Variants in RSPO2 observed in about 807,000 individuals in gnomAD.
The protein encoded by RSPO2 is R-spondin 2, also known as R-spondin-2.
Under a neutral mutation model 30.9 loss-of-function variants are expected in RSPO2, and 14 were observed. The observed-to-expected ratio is 0.45, with a 90% CI of 0.30 to 0.71. The LOEUF (loss-of-function observed/expected upper bound fraction) is 0.71, where lower values mean the gene tolerates loss of function less well. Among genes scored for constraint, RSPO2 ranks in the 30% least tolerant of loss-of-function variants. The pLI, the probability that RSPO2 is intolerant of heterozygous loss-of-function variation, is 0.08. For synonymous variants in RSPO2, 107 were observed against 96.4 expected (o/e 1.11, Z -0.64); for missense variants, 264 against 301.9 (o/e 0.87, Z 0.93).
intron 2 of RSPO2, chr8:108,081,942 G>C (rs1813212811): frequency 1.0e-6 from 1 of 979,182 alleles, no homozygotes; most frequent in South Asian, 4.8e-5. Context: ...TCTCGTCGCA[G>C]TTTCCAGAAA....
chr8:107,916,926 T>C (rs1477148726), intron 5 of RSPO2, among the ~76,000 whole-genome samples: 1 of 152,204 alleles, frequency 6.6e-6, no homozygotes, highest in African/African-American at 2.4e-5. Flanking sequence ...TAAAACTGGA[T>C]AGATTTGTAA....
Position 107,960,733 on chromosome 8 carries a change from C to A in RSPO2, c.368G>T (p.Arg123Leu). Residue 123 changes from arginine to leucine, a missense_variant, in exon 4 of 6, where the codon CGT becomes CTT. Transcript: ENST00000276659. ...CKVGFYLHRG[R>L]CFDECPDGFA... Reference sequence around the variant, plus strand: ...ACCATCTGGACATTCATCAAAGCAACGGCCTCTATGCAAATAAAAGCCTAC... The same window carrying A: ...ACCATCTGGACATTCATCAAAGCAAAGGCCTCTATGCAAATAAAAGCCTAC... 1.2e-6 allele frequency: 2 copies of A among 1,613,386 alleles called. No individual in the cohort carries two copies. Among genetic ancestry groups the A allele is most frequent in the Non-Finnish European group, 1.7e-6 (2 of 1,179,590 alleles).
Position 108,082,547 on chromosome 8 carries a change from C to A in RSPO2, c.92G>T (p.Arg31Leu). 6.2e-7 allele frequency: 1 copy of A among 1,613,578 alleles called. No individual in the cohort carries two copies. Among genetic ancestry groups the A allele is most frequent in the Non-Finnish European group, 8.5e-7 (1 of 1,179,454 alleles). Reference sequence around the variant, plus strand: ...ACCTTTGGCAGAGAGGGACCCACCTCGCTTACTGCGTCTCCATCGGTTGCC... The same window carrying A: ...ACCTTTGGCAGAGAGGGACCCACCTAGCTTACTGCGTCTCCATCGGTTGCC... The part of the protein sequence containing the change: ...CQGNRWRRSK[R>L]ASYVSNPICK... The change falls in exon 2 of 6, where the codon CGA (arginine) becomes CTA (leucine). Residue 31 changes from arginine (R) to leucine (L), a missense_variant and splice_region_variant. Arg to Leu is a moderately radical substitution (Grantham distance 102). Coordinates refer to ENST00000276659, the MANE Select transcript of RSPO2 (RefSeq NM_178565.5).
chr8:108,062,868 T>C (rs1206506701), intron 2 of RSPO2, among the ~76,000 whole-genome samples: 1 of 151,910 alleles, frequency 6.6e-6, no homozygotes, highest in African/African-American at 2.4e-5. Context: ...AATGCAAAGC[T>C]GGTTCAACAT....
chr8:107,903,673 A>G (rs72680428), intron 5 of RSPO2, among the ~76,000 whole-genome samples: 28 of 152,260 alleles, frequency 1.8e-4, no homozygotes, highest in Admixed American at 8.5e-4. Context: ...AATAAGCTAT[A>G]TGGTACCAAT....
chr8:107,941,348 A>G (rs1055158417), intron 5 of RSPO2, among the ~76,000 whole-genome samples: 5 of 152,196 alleles, frequency 3.3e-5, no homozygotes, highest in African/African-American at 1.2e-4. Flanking sequence ...GGGTGTTACA[A>G]TAGACTCATT....
At chr8:108,007,708 G>A (rs958547820) in intron 2 of RSPO2, among the ~76,000 whole-genome samples, 5 of 151,980 alleles carry the variant, frequency 3.3e-5, no homozygotes, top group African/African-American at 4.8e-5. Flanking sequence ...CAAGAACAAT[G>A]TATTTCAAAT....
At chr8:107,969,703 A>G (rs1563543947) in intron 3 of RSPO2, among the ~76,000 whole-genome samples, 1 of 152,186 alleles carries the variant, frequency 6.6e-6, no homozygotes, top group Non-Finnish European at 1.5e-5. Context: ...ACAGTGGGAG[A>G]AGGACAACTA....
rs879939160 is a variant in RSPO2 at position 107,919,089 on chromosome 8, C to CA, written c.617-17900dup. 5.9e-5 allele frequency among the ~76,000 whole-genome samples: 9 copies of CA among 152,132 alleles called. 1 individual carries two copies. The highest frequency in any genetic ancestry group is 5.9e-4 in the Admixed American group (9 of 15,258). Reference sequence around the variant, plus strand: ...AGCCTTGGAACCCCAGCCAGGCCTGCATGGGTATGCTCAGACAGTTGCAAA... The same window carrying CA: ...AGCCTTGGAACCCCAGCCAGGCCTGCAATGGGTATGCTCAGACAGTTGCAAA... On this transcript the variant is annotated intron_variant, in intron 5 of 5. Coordinates refer to ENST00000276659, the MANE Select transcript of RSPO2 (RefSeq NM_178565.5).
chr8:108,015,273 C>T (rs1810847474), intron 2 of RSPO2, among the ~76,000 whole-genome samples: 1 of 152,162 alleles, frequency 6.6e-6, no homozygotes, highest in African/African-American at 2.4e-5. Context: ...ACCCATATCA[C>T]CATTCTCCTG....
At chr8:107,975,009 T>A (rs111410337) in intron 3 of RSPO2, among the ~76,000 whole-genome samples, 2,135 of 152,330 alleles carry the variant, frequency 0.014, 39 homozygotes, top group African/African-American at 0.047. Context: ...ATGCAGAGAT[T>A]TGGTACATTG....
At chr8:108,000,113 G>C (rs1356886073) in intron 2 of RSPO2, among the ~76,000 whole-genome samples, 3 of 152,222 alleles carry the variant, frequency 2.0e-5, no homozygotes, top group Non-Finnish European at 4.4e-5. Context: ...ACGATGAACT[G>C]AGGTATGGTT....
At chr8:107,995,979 T>C (rs1815006985) in intron 2 of RSPO2, among the ~76,000 whole-genome samples, 2 of 152,190 alleles carry the variant, frequency 1.3e-5, no homozygotes, top group Non-Finnish European at 2.9e-5. Flanking sequence ...GCTTATACTA[T>C]CTACAATTTT....
intron 3 of RSPO2, among the ~76,000 whole-genome samples, chr8:107,961,150 C>A (rs1813613428): frequency 1.3e-5 from 2 of 152,182 alleles, no homozygotes; most frequent in South Asian, 4.1e-4. Context: ...TACTTGCTGC[C>A]AGTATTGAAA....
chr8:107,978,310 C>T (rs1170861464), intron 3 of RSPO2, among the ~76,000 whole-genome samples: 1 of 151,948 alleles, frequency 6.6e-6, no homozygotes, highest in South Asian at 2.1e-4. Context: ...ATCTGTAATC[C>T]CAGCTACTTG....
At chr8:107,940,723 C>T (rs564583707) in intron 5 of RSPO2, among the ~76,000 whole-genome samples, 1 of 152,248 alleles carries the variant, frequency 6.6e-6, no homozygotes, top group South Asian at 2.1e-4. Context: ...GCTAAAGAAC[C>T]CCTTCCAAGC....
Position 107,945,538 on chromosome 8 carries a change from G to A in RSPO2, c.616+12542C>T, listed in dbSNP as rs563173038. The stretch of plus-strand genomic sequence containing the variant: ...GCTGGGATTACAGGCATGAGCCACC[G>A]TGCTCGGCTTCTTTTTCCTTATTTC... On this transcript the variant is annotated intron_variant, in intron 5 of 5. Coordinates refer to ENST00000276659, the MANE Select transcript of RSPO2 (RefSeq NM_178565.5). 1.1e-4 allele frequency among the ~76,000 whole-genome samples: 17 copies of A among 152,112 alleles called. No individual in the cohort carries two copies. In the South Asian group the frequency reaches 2.3e-3, roughly 20 times the overall value.
At chr8:107,968,899 T>C (rs1174775054) in intron 3 of RSPO2, among the ~76,000 whole-genome samples, 3 of 152,124 alleles carry the variant, frequency 2.0e-5, no homozygotes, top group African/African-American at 7.2e-5. Flanking sequence ...CAAAGGGCAT[T>C]ACCCAATAAA....
chr8:107,922,528 T>C (rs1043763249), intron 5 of RSPO2, among the ~76,000 whole-genome samples: 4 of 152,100 alleles, frequency 2.6e-5, no homozygotes, highest in African/African-American at 9.7e-5. Flanking sequence ...TCCAAATCAG[T>C]TTATAGATTC....
Sources: gnomAD v4.1 joint callset for allele counts (sites outside exome capture counted in the v4.1 genomes callset) on GRCh38, gnomAD v4.1.1 for gene constraint, MANE v1.5 for transcripts, NCBI Gene and HGNC (gene_info 2026-07-23, HGNC 2026-07-21) for gene names.